The following VWA3B variants were observed in gnomAD, a reference collection of about 807,000 sequenced individuals.
VWA3B encodes the protein von Willebrand factor A domain containing 3B.
VWA3B carries 138 observed loss-of-function variants against 158.3 expected under a neutral mutation model. The ratio of observed to expected loss-of-function variants is 0.87; its 90% confidence interval spans 0.76 to 1.00. The LOEUF (loss-of-function observed/expected upper bound fraction) is 1.00, where lower values mean the gene tolerates loss of function less well. Ranked by LOEUF, VWA3B falls within the 50% of genes least tolerant of loss-of-function variation. VWA3B has a pLI of 0.00. For missense variants in VWA3B, 1,555 were observed against 1,565.1 expected, an observed-to-expected ratio of 0.99 and a Z score of 0.11; for synonymous variants, 596 against 587.3, an observed-to-expected ratio of 1.01 and a Z score of -0.21.
intron 23 of VWA3B, chr2:98,291,595 A>G (rs1302609553): frequency 2.0e-5 from 3 of 152,272 alleles, no homozygotes; most frequent in Non-Finnish European, 4.4e-5. Flanking sequence ...AGTGAGAAAC[A>G]CAATCACATT....
chr2:98,316,420 A>G (rs1212017333), downstream of VWA3B, among the ~76,000 whole-genome samples: 4 of 152,122 alleles, frequency 2.6e-5, no homozygotes, highest in African/African-American at 9.7e-5. Context: ...AAACTGGTGG[A>G]TCATTTGAGC....
In VWA3B at chr2:98,163,038, G is replaced by C. The variant is rs144449136; in HGVS notation, c.1114+62G>C. On this transcript the variant is annotated intron_variant, in intron 8 of 27. Coordinates refer to ENST00000477737, the MANE Select transcript of VWA3B (RefSeq NM_144992.5). ...ATAAATGTTACTAGCTGGGGACCAG[G>C]GGCTGCTTCCATGTTCCTGACCAGA... 8.5e-5 allele frequency: 135 copies of C among 1,596,598 alleles called. No homozygotes were observed. The East Asian group carries it at 3.0e-3, about 35-fold the overall frequency.
intron 7 of VWA3B, among the ~76,000 whole-genome samples, chr2:98,154,664 T>A (rs1217484298): frequency 6.6e-6 from 1 of 152,136 alleles, no homozygotes; most frequent in East Asian, 1.9e-4. Context: ...AATCAGCTCC[T>A]TAGAATTGTA....
intron 2 of VWA3B, among the ~76,000 whole-genome samples, chr2:98,108,391 G>A (rs961313574): frequency 8.5e-5 from 13 of 152,176 alleles, no homozygotes; most frequent in African/African-American, 3.1e-4. Flanking sequence ...TGATGGTGTT[G>A]AGTATCCTTC....
chr2:98,167,322 T>C (rs899890896), intron 8 of VWA3B, among the ~76,000 whole-genome samples: 6 of 151,940 alleles, frequency 3.9e-5, no homozygotes, highest in Non-Finnish European at 5.9e-5. Context: ...AGTTTTTTTT[T>C]AACCTCTTTT....
chr2:98,126,406 C>T (rs1007762208), intron 5 of VWA3B, among the ~76,000 whole-genome samples: 3 of 152,178 alleles, frequency 2.0e-5, no homozygotes, highest in Non-Finnish European at 4.4e-5. Flanking sequence ...GTGTCTGCTC[C>T]CCTGTCTCAG....
chr2:98,193,740 C>G (rs867829138), intron 11 of VWA3B, among the ~76,000 whole-genome samples: 1 of 152,100 alleles, frequency 6.6e-6, no homozygotes, highest in African/African-American at 2.4e-5. Context: ...CAGGCGCCTG[C>G]CACCACGCCC....
In VWA3B at chr2:98,200,916, T is replaced by G. The variant is rs1017202395; in HGVS notation, c.1737+6424T>G. Among the ~76,000 whole-genome samples the G allele has an allele frequency of 2.0e-5, 3 of 152,240 alleles. No individual in the cohort carries two copies. The South Asian group carries it at 6.2e-4, about 32-fold the overall frequency. ...ATTCCTCTCTCCGTGGAATTACTAT[T>G]GCTTCTTGTCAAAAATCATTTGACT... On this transcript the variant is annotated intron_variant, in intron 12 of 27. Coordinates refer to ENST00000477737, the MANE Select transcript of VWA3B (RefSeq NM_144992.5).
At chr2:98,096,476 T>C (rs936367948) in intron 2 of VWA3B, among the ~76,000 whole-genome samples, 13 of 151,760 alleles carry the variant, frequency 8.6e-5, no homozygotes, top group Non-Finnish European at 1.6e-4. Context: ...ACCATGTTGG[T>C]CAGGCTGGTC....
intron 24 of VWA3B, 52 bp downstream of exon 24, chr2:98,298,083 T>C: frequency 7.2e-7 from 1 of 1,387,422 alleles, no homozygotes; most frequent in South Asian, 1.8e-5. Context: ...CCACAGAGTT[T>C]TGAATAACAG....
At chr2:98,181,876 A>C (rs1680614803) in intron 9 of VWA3B, among the ~76,000 whole-genome samples, 1 of 152,196 alleles carries the variant, frequency 6.6e-6, no homozygotes, top group Admixed American at 6.5e-5. Flanking sequence ...CAACCCCCAG[A>C]TGATGCTAAC....
At chr2:98,263,483 G>A (rs1452616761) in intron 21 of VWA3B, among the ~76,000 whole-genome samples, 1 of 151,962 alleles carries the variant, frequency 6.6e-6, no homozygotes, top group Non-Finnish European at 1.5e-5. Flanking sequence ...TGATTTTTCT[G>A]CATCACTTGA....
chr2:98,322,557 T>C, the VWA3B span, among the ~76,000 whole-genome samples: 1 of 152,146 alleles, frequency 6.6e-6, no homozygotes, highest in Admixed American at 6.5e-5. Flanking sequence ...AGGCAGAAAC[T>C]AGAGAGGAAT....
At chr2:98,242,007 A>C (rs1686101539) in intron 19 of VWA3B, among the ~76,000 whole-genome samples, 1 of 152,190 alleles carries the variant, frequency 6.6e-6, no homozygotes, top group Admixed American at 6.5e-5. Flanking sequence ...TGGGATGTAT[A>C]CCTTTTTGAT....
At chr2:98,209,519 A>C (rs1238209289) in intron 12 of VWA3B, among the ~76,000 whole-genome samples, 1 of 152,100 alleles carries the variant, frequency 6.6e-6, no homozygotes, top group Non-Finnish European at 1.5e-5. Flanking sequence ...TGACCTCATG[A>C]TCTGCTCGCC....
chr2:98,261,361 C>T (rs1687468805), intron 21 of VWA3B, among the ~76,000 whole-genome samples: 1 of 151,656 alleles, frequency 6.6e-6, no homozygotes, highest in African/African-American at 2.4e-5. Flanking sequence ...CATTGTGTGC[C>T]CATTAACACT....
rs985404024 is a variant in VWA3B at position 98,125,251 on chromosome 2, G to A, written c.703-2988G>A. Among the ~76,000 whole-genome samples the A allele has an allele frequency of 6.6e-6, 1 of 152,214 alleles. No individual in the cohort carries two copies. The highest frequency in any genetic ancestry group is 1.9e-4 in the East Asian group (1 of 5,192). Reference sequence around the variant, plus strand: ...GGGGTAGGAGCCTGAACCCTTGGATGGTGGGGTAACCACAGAAGTGAAAAA... The same window carrying A: ...GGGGTAGGAGCCTGAACCCTTGGATAGTGGGGTAACCACAGAAGTGAAAAA... On this transcript the variant is annotated intron_variant, in intron 5 of 27. Transcript: ENST00000477737. The surrounding 1 kb of genome is among the most constrained non-coding windows in gnomAD (Gnocchi z 4.1).
intron 22 of VWA3B, among the ~76,000 whole-genome samples, chr2:98,282,432 C>CTTTTT (rs759230723): frequency 3.2e-5 from 4 of 124,898 alleles, no homozygotes; most frequent in African/African-American, 9.6e-5. Flanking sequence ...ACATGAATTA[C>CTTTTT]TTTTTTTTTT....
At position 98,095,797 on chromosome 2, in the gene VWA3B, A is replaced by G. The variant is rs74262310; in HGVS notation, c.196+2509A>G. Among the ~76,000 whole-genome samples, 206 of 152,292 alleles carry G rather than the reference A, an allele frequency of 1.4e-3. 8 individuals carry two copies. The East Asian group carries it at 0.023, about 17-fold the overall frequency. ...TACTGTGTTGAGGCACATTTCTTCT[A>G]TACATAATTTGTTGAGAGTTTTTAT... On this transcript the variant is annotated intron_variant, in intron 2 of 27. Transcript: ENST00000477737.
Sources: gnomAD v4.1 joint callset for allele counts (sites outside exome capture counted in the v4.1 genomes callset) on GRCh38, gnomAD v4.1.1 for gene constraint, Gnocchi (gnomAD v3.1) non-coding constraint, MANE v1.5 for transcripts, NCBI Gene and HGNC (gene_info 2026-07-23, HGNC 2026-07-21) for gene names.